MACROD2: variants seen among roughly 807,000 people sequenced by gnomAD.
The protein encoded by MACROD2 is mono-ADP ribosylhydrolase 2, also known as ADP-ribose glycohydrolase MACROD2.
MACROD2 carries 36 observed loss-of-function variants against 70.4 expected under a neutral mutation model. The ratio of observed to expected loss-of-function variants is 0.51; its 90% confidence interval spans 0.39 to 0.68. MACROD2 has a LOEUF of 0.68. Ranked by LOEUF, MACROD2 falls within the 30% of genes least tolerant of loss-of-function variation. The pLI is 0.00. For missense variants in MACROD2, 496 were observed against 538.4 expected, an observed-to-expected ratio of 0.92 and a Z score of 0.78; for synonymous variants, 172 against 178.8, an observed-to-expected ratio of 0.96 and a Z score of 0.30.
intron 5 of MACROD2, among the ~76,000 whole-genome samples, chr20:15,127,729 A>G (rs1472944296): frequency 1.3e-5 from 2 of 152,076 alleles, no homozygotes. Context: ...TATGGCAGCT[A>G]CAATGTCTCT....
chr20:15,060,676 A>C (rs1449868901), intron 5 of MACROD2, among the ~76,000 whole-genome samples: 1 of 152,196 alleles, frequency 6.6e-6, no homozygotes. Flanking sequence ...GCCAAAGGTC[A>C]CTGAGGATTA....
intron 5 of MACROD2, among the ~76,000 whole-genome samples, chr20:15,001,630 A>T (rs1480067462): frequency 6.6e-6 from 1 of 152,162 alleles, no homozygotes; most frequent in Admixed American, 6.5e-5. Context: ...TTAAAAATCT[A>T]AACTGTGGGT....
At chr20:15,211,740 A>C (rs2076765807) in intron 5 of MACROD2, among the ~76,000 whole-genome samples, 1 of 152,108 alleles carries the variant, frequency 6.6e-6, no homozygotes, top group Non-Finnish European at 1.5e-5. Flanking sequence ...CAGAACTGGG[A>C]ACCAAAATAA....
intron 5 of MACROD2, among the ~76,000 whole-genome samples, chr20:14,889,474 A>G (rs2073724221): frequency 6.6e-6 from 1 of 152,138 alleles, no homozygotes; most frequent in African/African-American, 2.4e-5. Flanking sequence ...TCAATAAGAA[A>G]TAGAGGGGTC....
rs543276994 is a variant in MACROD2 at position 14,453,590 on chromosome 20, C to T, written c.272-39889C>T. Among the ~76,000 whole-genome samples, 11 of 152,134 alleles carry T rather than the reference C, an allele frequency of 7.2e-5. No individual in the cohort carries two copies. In the South Asian group the frequency reaches 2.1e-3, roughly 29 times the overall value. Reference sequence around the variant, plus strand: ...AAGTACGTGGGATTCATTGATGTGTCGAATGTTGGACATAAGCAACCTTCA... The same window carrying T: ...AAGTACGTGGGATTCATTGATGTGTTGAATGTTGGACATAAGCAACCTTCA... On this transcript the variant is annotated intron_variant, in intron 3 of 17. Transcript: ENST00000684519.
intron 7 of MACROD2, among the ~76,000 whole-genome samples, chr20:15,494,797 T>G (rs73897623): frequency 0.022 from 3,322 of 151,716 alleles, 127 homozygotes; most frequent in African/African-American, 0.075. Flanking sequence ...GTGCAGTATA[T>G]AAAATATTTG....
intron 6 of MACROD2, among the ~76,000 whole-genome samples, chr20:15,327,014 A>G (rs2077937258): frequency 6.6e-6 from 1 of 152,170 alleles, no homozygotes; most frequent in Non-Finnish European, 1.5e-5. Flanking sequence ...ACAGATTAAT[A>G]AGAGAAATGT....
chr20:15,639,728 A>G (rs962047069), intron 8 of MACROD2, among the ~76,000 whole-genome samples: 1 of 152,174 alleles, frequency 6.6e-6, no homozygotes, highest in Non-Finnish European at 1.5e-5. Flanking sequence ...GCCTTCAGCC[A>G]TGTTTGTTCA....
intron 5 of MACROD2, among the ~76,000 whole-genome samples, chr20:14,862,443 A>G (rs1243701589): frequency 7.4e-5 from 1 of 13,560 alleles, no homozygotes; most frequent in East Asian, 2.7e-3. Flanking sequence ...ATATATAAAT[A>G]TATATATAAA....
intron 3 of MACROD2, among the ~76,000 whole-genome samples, chr20:14,109,173 T>A (rs2054413224): frequency 6.6e-6 from 1 of 151,972 alleles, no homozygotes; most frequent in Non-Finnish European, 1.5e-5. Flanking sequence ...GACCAGTGGG[T>A]CAGTGAAGAA....
intron 3 of MACROD2, among the ~76,000 whole-genome samples, chr20:14,303,724 A>G (rs1292368471): frequency 6.6e-6 from 1 of 152,154 alleles, no homozygotes; most frequent in East Asian, 1.9e-4. Context: ...ATGTCTCTTT[A>G]GTGAATCAAG....
At chr20:15,578,849 A>G (rs1208640448) in intron 8 of MACROD2, among the ~76,000 whole-genome samples, 2 of 152,218 alleles carry the variant, frequency 1.3e-5, no homozygotes, top group African/African-American at 4.8e-5. Flanking sequence ...CAAACAGTAT[A>G]ACATTAATCT....
At chr20:14,470,407 G>A (rs893499151) in intron 3 of MACROD2, among the ~76,000 whole-genome samples, 3 of 152,154 alleles carry the variant, frequency 2.0e-5, no homozygotes, top group African/African-American at 7.2e-5. Flanking sequence ...TACGGGGATC[G>A]AGGACTCACT....
intron 6 of MACROD2, among the ~76,000 whole-genome samples, chr20:15,231,930 G>A (rs916519571): frequency 1.3e-5 from 2 of 152,034 alleles, no homozygotes; most frequent in African/African-American, 4.8e-5. Flanking sequence ...AATGGAGATA[G>A]AAAATACACA....
At chr20:15,119,078 T>G (rs79570150) in intron 5 of MACROD2, among the ~76,000 whole-genome samples, 5,156 of 152,298 alleles carry the variant, frequency 0.034, 139 homozygotes, top group South Asian at 0.11. Flanking sequence ...CCTTGGGAAC[T>G]AGAGTAATTA....
intron 5 of MACROD2, among the ~76,000 whole-genome samples, chr20:14,966,296 G>A (rs144255302): frequency 2.7e-3 from 410 of 152,220 alleles, no homozygotes; most frequent in Non-Finnish European, 4.2e-3. Flanking sequence ...AACCACCTCC[G>A]ATGAAGATAT....
intron 4 of MACROD2, among the ~76,000 whole-genome samples, chr20:14,563,532 G>GA (rs547002809): frequency 1.3e-5 from 2 of 151,630 alleles, no homozygotes; most frequent in Non-Finnish European, 1.5e-5. Flanking sequence ...TTTTTAAAAA[G>GA]AAAAAAAATT....
chr20:14,536,392 T>C (rs1300532346), intron 4 of MACROD2, among the ~76,000 whole-genome samples: 2 of 152,200 alleles, frequency 1.3e-5, no homozygotes, highest in Non-Finnish European at 2.9e-5. Flanking sequence ...CTTAGTTTTA[T>C]ATTATACTTT....
At chr20:14,323,096 TA>T (rs1485220564) in intron 3 of MACROD2, 3 of 152,192 alleles carry the variant, frequency 2.0e-5, no homozygotes, top group Non-Finnish European at 2.9e-5. Flanking sequence ...CTTCAGCAGA[TA>T]CCAGCTGGGT....
Sources: allele counts gnomAD v4.1 joint callset (sites outside exome capture counted in the v4.1 genomes callset), GRCh38; gene constraint gnomAD v4.1.1; transcripts MANE v1.5; gene names NCBI Gene and HGNC (gene_info 2026-07-23, HGNC 2026-07-21).